The following GRID2IP variants were observed in gnomAD, a reference collection of about 807,000 sequenced individuals.
The protein encoded by GRID2IP is Grid2 interacting protein.
A neutral mutation model predicts 114.3 loss-of-function variants in GRID2IP; 78 were observed. The ratio of observed to expected loss-of-function variants is 0.68; its 90% CI spans 0.57 to 0.82. The LOEUF (loss-of-function observed/expected upper bound fraction) is 0.82. Ranked by LOEUF, GRID2IP falls within the 40% of genes least tolerant of loss-of-function variation. The pLI, the probability that GRID2IP is intolerant of heterozygous loss-of-function variation, is 0.00. For missense variants in GRID2IP, 1,727 were observed against 1,678.5 expected (o/e 1.03, Z -0.51); for synonymous variants, 809 against 724.0 (o/e 1.12, Z -1.89).
At chr7:6,502,229 C>T in intron 18 of GRID2IP, 111 bp from the exon 19 acceptor site, 1 of 1,086,410 alleles carries the variant, frequency 9.2e-7, no homozygotes, top group Non-Finnish European at 1.3e-6. Context: ...CTTGGCGCCC[C>T]CACTTTTTTT....
intron 8 of GRID2IP, among the ~76,000 whole-genome samples, chr7:6,513,525 C>T (rs912081428): frequency 6.6e-5 from 10 of 152,062 alleles, no homozygotes; most frequent in Admixed American, 2.0e-4. Context: ...CAGCCTTACA[C>T]GAGTTCCTTC....
rs1414588480 is a variant in GRID2IP, at chr7:6,519,542, G to T, written c.1268+1036C>A. ...GGAGGCTGAAGCAGGTGGATCACCT[G>T]AGGTCGGGAGTTTGAGACCAGCCTG... is the stretch of plus-strand genomic sequence containing the variant. On this transcript the variant is annotated intron_variant, in intron 7 of 21. Coordinates refer to ENST00000457091, the MANE Select transcript of GRID2IP (RefSeq NM_001145118.2). This position sits in a 1 kb window ranked among gnomAD's most constrained non-coding sequence, Gnocchi z 4.1. 1.3e-5 allele frequency among the ~76,000 whole-genome samples: 2 copies of T among 152,020 alleles called. No homozygotes were observed. Among genetic ancestry groups the T allele is most frequent in the African/African-American group, 4.8e-5 (2 of 41,396 alleles).
chr7:6,516,693 C>G lies in GRID2IP; in HGVS notation c.1269-2164G>C, dbSNP rs996199376. Among the ~76,000 whole-genome samples the G allele has an allele frequency of 6.6e-6, 1 of 152,234 alleles. No homozygotes were observed. The highest frequency in any genetic ancestry group is 1.9e-4 in the East Asian group (1 of 5,202). On this transcript the variant is annotated intron_variant, in intron 7 of 21. Transcript: ENST00000457091. This position sits in a 1 kb window ranked among gnomAD's most constrained non-coding sequence, Gnocchi z 4.3. ...GATGCTGTGCTTCAGTGGTCACGCT[C>G]CTGGTCCGCATTCATGTTCTGCCCT...
At chr7:6,540,210 T>G (rs1266541908) in intron 1 of GRID2IP, among the ~76,000 whole-genome samples, 2 of 151,736 alleles carry the variant, frequency 1.3e-5, no homozygotes, top group Non-Finnish European at 2.9e-5. Flanking sequence ...TCTCCCAGGT[T>G]CAAGCGATTC....
chr7:6,504,491 C>T (rs1786517238), intron 15 of GRID2IP, among the ~76,000 whole-genome samples: 1 of 149,530 alleles, frequency 6.7e-6, no homozygotes, highest in South Asian at 2.1e-4. Context: ...GATTGAGAAG[C>T]TGGGTGGGGT....
chr7:6,536,178 T>G lies in GRID2IP; in HGVS notation c.584+3540A>C, dbSNP rs1779719540. ...CCCTGGGGAGGGGGTTGTTGGGAAG[T>G]AGGGGGTTTGAAGAGGTGCGGGGTG... On this transcript the variant is annotated intron_variant, in intron 2 of 21. Coordinates refer to ENST00000457091, the MANE Select transcript of GRID2IP (RefSeq NM_001145118.2). This position sits in a 1 kb window ranked among gnomAD's most constrained non-coding sequence, Gnocchi z 5.3. Among the ~76,000 whole-genome samples the G allele has an allele frequency of 6.6e-6, 1 of 151,610 alleles. No individual in the cohort carries two copies. Among genetic ancestry groups the G allele is most frequent in the African/African-American group, 2.4e-5 (1 of 41,244 alleles).
chr7:6,526,537 G>T lies in GRID2IP; in HGVS notation c.817C>A (p.Pro273Thr). 1 of 1,227,324 alleles carries T rather than the reference G, an allele frequency of 8.1e-7. No homozygotes were observed. Among genetic ancestry groups the T allele is most frequent in the Non-Finnish European group, 1.0e-6 (1 of 984,928 alleles). The allele number at this position is 1,227,324 out of a possible 1,614,324, so 76.0% of individuals were successfully genotyped here. A position where few individuals can be genotyped will look rare whatever the true frequency, so the allele number is the denominator to read the frequency against. ...ASLLVGGLAG[P>T]GGARRTVRVY... Reference sequence around the variant, plus strand: ...CCCGCGTACCTGCGCGCGCCCCCGGGGCCGGCGAGGCCGCCCACCAGCAAG... The same window carrying T: ...CCCGCGTACCTGCGCGCGCCCCCGGTGCCGGCGAGGCCGCCCACCAGCAAG... The change falls in exon 3 of 22, where the codon CCC becomes ACC. Residue 273 changes from proline (P) to threonine (T), a missense_variant. By Grantham distance (38) the Pro-to-Thr change is conservative. Coordinates refer to ENST00000457091, the MANE Select transcript of GRID2IP (RefSeq NM_001145118.2). The surrounding 1 kb of genome is among the most constrained non-coding windows in gnomAD (Gnocchi z 7.6).
In GRID2IP at chr7:6,510,390, A is replaced by T. The variant is rs1286609180; in HGVS notation, c.1664T>A (p.Val555Asp). ...ETPNPKMMSAVYAELESRLNS... is the reference protein window; with the variant it reads ...ETPNPKMMSADYAELESRLNS... ...CAGTCGAGACTCAAGCTCTGCATAG[A>T]CGGCTGACATCTGGAGGGAGACGGG... Residue 555 changes from valine (V) to aspartate (D), a missense_variant, in exon 11 of 22, where the codon GTC becomes GAC. Transcript: ENST00000457091. 1 of 1,531,502 alleles carries T rather than the reference A, an allele frequency of 6.5e-7. No individual in the cohort carries two copies. The highest frequency in any genetic ancestry group is 8.8e-7 in the Non-Finnish European group (1 of 1,136,472). 94.9% of individuals were successfully genotyped at this position (1,531,502 alleles called of 1,614,324 possible).
chr7:6,523,584 T>G lies in GRID2IP; in HGVS notation c.920-1627A>C, dbSNP rs1219777598. 6.6e-6 allele frequency among the ~76,000 whole-genome samples: 1 copy of G among 152,122 alleles called. No individual in the cohort carries two copies. Among genetic ancestry groups the G allele is most frequent in the Non-Finnish European group, 1.5e-5 (1 of 68,018 alleles). ...GCAGACCTGGATTTTTTTTTCTTTT[T>G]TTGAGACAGGGTCTTGCTCTGTCAC... On this transcript the variant is annotated intron_variant, in intron 4 of 21. Transcript: ENST00000457091. The surrounding 1 kb of genome is among the most constrained non-coding windows in gnomAD (Gnocchi z 4.5).
In GRID2IP at chr7:6,526,672, G is replaced by C; in HGVS notation, c.682C>G (p.Gln228Glu). Residue 228 changes from glutamine to glutamate, a missense_variant, in exon 3 of 22, where the codon CAG becomes GAG. Transcript: ENST00000457091. This position sits in a 1 kb window ranked among gnomAD's most constrained non-coding sequence, Gnocchi z 7.6. ...LCRARRAQGA[Q>E]RLRRSRSEER... is the part of the protein sequence containing the mutation. ...TCGCTGCGGCTCCGGCGCAGTCGCT[G>C]CGCGCCCTGGGCCCGGCGTGCGCGG... is the stretch of plus-strand genomic sequence containing the variant. 1 of 1,468,100 alleles carries C rather than the reference G, an allele frequency of 6.8e-7. No homozygotes were observed. Among genetic ancestry groups the C allele is most frequent in the Non-Finnish European group, 9.0e-7 (1 of 1,112,538 alleles). 90.9% of individuals were successfully genotyped at this position (1,468,100 alleles called of 1,614,324 possible). A position where few individuals can be genotyped will look rare whatever the true frequency, so the allele number is the denominator to read the frequency against.
rs117841999 is a variant in GRID2IP at position 6,514,416 on chromosome 7, T to G, written c.1382A>C (p.Gln461Pro). Residue 461 changes from glutamine to proline, a missense_variant, in exon 8 of 22, where the codon CAG (glutamine) becomes CCG (proline). Coordinates refer to ENST00000457091, the MANE Select transcript of GRID2IP (RefSeq NM_001145118.2). ...LLTYEEQELCQEKIACFLGYT... is the reference protein window; with the variant it reads ...LLTYEEQELCPEKIACFLGYT... ...GCCCAGGAAGCATGCGATTTTCTCC[T>G]GACAGAGCTCCTGCTCCTCATAGGT... is the stretch of plus-strand genomic sequence containing the variant. The G allele has an allele frequency of 2.6e-6, 4 of 1,546,854 alleles. No homozygotes were observed. Among genetic ancestry groups the G allele is most frequent in the Non-Finnish European group, 2.6e-6 (3 of 1,144,238 alleles).
intron 20 of GRID2IP, among the ~76,000 whole-genome samples, chr7:6,499,378 TA>T (rs1237549203): frequency 6.6e-6 from 1 of 152,212 alleles, no homozygotes; most frequent in African/African-American, 2.4e-5. Context: ...GATTTGGGCC[TA>T]TGCCTGTCTG....
rs1583344087 is a variant in GRID2IP, at chr7:6,520,511, A to T, written c.1268+67T>A. 31 of 1,448,700 alleles carry T rather than the reference A, an allele frequency of 2.1e-5. 1 individual carries two copies. The East Asian group carries it at 7.8e-4, about 36-fold the overall frequency. 89.7% of individuals were successfully genotyped at this position (1,448,700 alleles called of 1,614,324 possible). A position where few individuals can be genotyped will look rare whatever the true frequency, so the allele number is the denominator to read the frequency against. On this transcript the variant is annotated intron_variant, in intron 7 of 21. Coordinates refer to ENST00000457091, the MANE Select transcript of GRID2IP (RefSeq NM_001145118.2). The surrounding 1 kb of genome is among the most constrained non-coding windows in gnomAD (Gnocchi z 4.6). ...AGGAGGTTCAGGCAGGGAGACTGGG[A>T]TGTGAGTCTAGGCAGGACTTAGGGC...
At chr7:6,544,946 G>A (rs1480132909) in intron 1 of GRID2IP, among the ~76,000 whole-genome samples, 1 of 152,190 alleles carries the variant, frequency 6.6e-6, no homozygotes, top group East Asian at 1.9e-4. Flanking sequence ...AGCCAGGTGG[G>A]CGTGATGGCG....
chr7:6,505,649 G>A (rs980208141), intron 14 of GRID2IP, among the ~76,000 whole-genome samples, 171 bp downstream of exon 14: 2 of 152,188 alleles, frequency 1.3e-5, no homozygotes, highest in East Asian at 1.9e-4. Context: ...GATGACAGGC[G>A]TGAGCCACTG....
At position 6,528,778 on chromosome 7, in the gene GRID2IP, C is replaced by CT. The variant is rs1236089926; in HGVS notation, c.585-2010_585-2009insA. Among the ~76,000 whole-genome samples the CT allele has an allele frequency of 7.2e-5, 11 of 152,108 alleles. No individual in the cohort carries two copies. In the East Asian group the frequency reaches 2.1e-3, roughly 29 times the overall value. ...GGAGGCTCTGTCCCCGCAGTGAGCT[C>CT]CGCTCCAGGTCTCGATGGTCCGGGG... On this transcript the variant is annotated intron_variant, in intron 2 of 21. Coordinates refer to ENST00000457091, the MANE Select transcript of GRID2IP (RefSeq NM_001145118.2). The surrounding 1 kb of genome is among the most constrained non-coding windows in gnomAD (Gnocchi z 6.0).
intron 1 of GRID2IP, among the ~76,000 whole-genome samples, chr7:6,545,061 T>C (rs1230580784): frequency 6.6e-6 from 1 of 152,026 alleles, no homozygotes; most frequent in Non-Finnish European, 1.5e-5. Context: ...CACTCCAGCC[T>C]GGGTGACAGA....
rs182833829 is a variant in GRID2IP at position 6,547,920 on chromosome 7, G to C, written c.429+3088C>G. ...TAGTCAAACTCCGACAAAGTTTCCA[G>C]GCTCCCTGACCTCCCAAACCCCATG... is the stretch of plus-strand genomic sequence containing the variant. On this transcript the variant is annotated intron_variant, in intron 1 of 21. Coordinates refer to ENST00000457091, the MANE Select transcript of GRID2IP (RefSeq NM_001145118.2). Among the ~76,000 whole-genome samples, 327 of 152,286 alleles carry C rather than the reference G, an allele frequency of 2.1e-3. 5 individuals are homozygous for C. The highest frequency in any genetic ancestry group is 0.019 in the Admixed American group (294 of 15,284).
In GRID2IP at chr7:6,501,676, C is replaced by G. The variant is rs1786418955; in HGVS notation, c.3399+105G>C. Reference sequence around the variant, plus strand: ...GTGCACAGCAACCTGTGTCCAGAATCTCTGCTGGAAGTCGAGGTCTCCAGC... The same window carrying G: ...GTGCACAGCAACCTGTGTCCAGAATGTCTGCTGGAAGTCGAGGTCTCCAGC... On this transcript the variant is annotated intron_variant, in intron 20 of 21. Coordinates refer to ENST00000457091, the MANE Select transcript of GRID2IP (RefSeq NM_001145118.2). 3.8e-6 allele frequency: 3 copies of G among 792,314 alleles called. No individual in the cohort carries two copies. In the South Asian group the frequency reaches 4.4e-5, roughly 12 times the overall value. The allele number at this position is 792,314 out of a possible 1,614,324, so 49.1% of individuals were successfully genotyped here. A position where few individuals can be genotyped will look rare whatever the true frequency, so the allele number is the denominator to read the frequency against.
Sources: allele counts gnomAD v4.1 joint callset (sites outside exome capture counted in the v4.1 genomes callset), GRCh38; gene constraint gnomAD v4.1.1; non-coding constraint Gnocchi (gnomAD v3.1); transcripts MANE v1.5; gene names NCBI Gene and HGNC (gene_info 2026-07-23, HGNC 2026-07-21).